Variants in PEX10 observed in about 807,000 individuals in gnomAD.
The protein encoded by PEX10 is peroxisomal biogenesis factor 10.
In PEX10, 32 loss-of-function variants were observed where a neutral mutation model predicts 38.0. The observed-to-expected ratio is 0.84, with a 90% CI of 0.63 to 1.13. The LOEUF (loss-of-function observed/expected upper bound fraction) is 1.13, where lower values mean the gene tolerates loss of function less well. Among genes scored for constraint, PEX10 ranks in the 50% most tolerant of loss-of-function variants. PEX10 has a pLI of 0.00. For synonymous variants in PEX10, 206 were observed against 207.3 expected (o/e 0.99, Z 0.05); for missense variants, 483 against 457.7 (o/e 1.06, Z -0.51).
Position 2,406,409 on chromosome 1 carries a change from CT to C in PEX10, c.912+74del. On this transcript the variant is annotated intron_variant, in intron 5 of 5. Transcript: ENST00000447513. ...AGGGTGCTCAGAGCCAGACTCCCCA[CT>C]TCTGCTGCAGCCAGGTGCATCTTGC... 1.9e-6 allele frequency: 3 copies of C among 1,589,564 alleles called. No individual in the cohort carries two copies. The South Asian group carries it at 3.3e-5, about 18-fold the overall frequency.
intron 3 of PEX10, among the ~76,000 whole-genome samples, chr1:2,408,243 G>A (rs1275257348): frequency 1.3e-5 from 2 of 152,168 alleles, no homozygotes; most frequent in Non-Finnish European, 2.9e-5. Flanking sequence ...TTAGGGTCTG[G>A]ACTTCCTTGG....
Position 2,410,477 on chromosome 1 carries a change from G to A in PEX10, c.113-26C>T, listed in dbSNP as rs41315652. The A allele has an allele frequency of 6.2e-3, 10,028 of 1,606,226 alleles. 52 individuals carry two copies. The highest frequency in any genetic ancestry group is 0.01 in the South Asian group (948 of 90,580). ...CTGAGAGGAGAAACAGTATTAGTCC[G>A]GGGGAGCTGGTGGGCATCCTCTGAG... On this transcript the variant is annotated intron_variant, in intron 1 of 5. Transcript: ENST00000447513. This position sits in a 1 kb window ranked among gnomAD's most constrained non-coding sequence, Gnocchi z 5.1.
At chr1:2,407,212 AGGAGGCGG>A (rs1389831875) in intron 3 of PEX10, among the ~76,000 whole-genome samples, 4 of 152,216 alleles carry the variant, frequency 2.6e-5, no homozygotes, top group Non-Finnish European at 4.4e-5. Flanking sequence ...CTCTCAGAAA[AGGAGGCGG>A]GGAGCGGAAA....
upstream of PEX10, among the ~76,000 whole-genome samples, chr1:2,412,788 C>T (rs559261648): frequency 7.2e-5 from 11 of 152,066 alleles, no homozygotes; most frequent in African/African-American, 2.4e-4. Context: ...GCGGGGCACG[C>T]GCGAGGGGCG....
In PEX10 at chr1:2,408,719, G is replaced by A. The variant is rs781710848; in HGVS notation, c.333C>T (p.Leu111=). ...CAGCCTGCAGCTCCTGCTCCAGGGGGAGCAGGGCCTTGTCCAGCAGGTAGG... is the reference window on the plus strand; with the variant it reads ...CAGCCTGCAGCTCCTGCTCCAGGGGAAGCAGGGCCTTGTCCAGCAGGTAGG... The part of the protein sequence containing the change: ...VLPYLLDKAL[L]PLEQELQADP... Residue 111 remains leucine (L), a synonymous_variant, in exon 3 of 6, where the codon CTC becomes CTT. Transcript: ENST00000447513. 3.7e-6 allele frequency: 6 copies of A among 1,613,792 alleles called. No individual in the cohort carries two copies. The highest frequency in any genetic ancestry group is 1.7e-5 in the Admixed American group (1 of 60,010).
At chr1:2,411,006 A>G (rs559507146) in intron 1 of PEX10, 1 of 398,312 alleles carries the variant, frequency 2.5e-6, no homozygotes, top group East Asian at 7.2e-5. Context: ...TCTCCTGTTC[A>G]GAATCCACCA....
rs748829349 is a variant in PEX10 at position 2,406,611 on chromosome 1, A to G, written c.785T>C (p.Leu262Ser). 6.2e-7 allele frequency: 1 copy of G among 1,613,302 alleles called. No individual in the cohort carries two copies. Among genetic ancestry groups the G allele is most frequent in the Non-Finnish European group, 8.5e-7 (1 of 1,179,842 alleles). ...HRGLSHRRAS[L>S]EERAVSRNPL... is the part of the protein sequence containing the mutation. The stretch of plus-strand genomic sequence containing the variant: ...GTTTCTGGAAACGGCTCTCTCCTCC[A>G]AGGAGGCCCTGGGGAAGGTGGGGCA... The change falls in exon 5 of 6, where the codon TTG (leucine) becomes TCG (serine). Residue 262 changes from leucine (L) to serine (S), a missense_variant. Coordinates refer to ENST00000447513, the MANE Select transcript of PEX10 (RefSeq NM_002617.4).
Position 2,410,377 on chromosome 1 carries a change from G to A in PEX10, c.187C>T (p.Leu63Phe), listed in dbSNP as rs772275107. 3.1e-6 allele frequency: 5 copies of A among 1,613,938 alleles called. No homozygotes were observed. The South Asian group carries it at 4.4e-5, about 14-fold the overall frequency. ...GTCCCGTGGGAGCTTCTACCTGCAAGTGTGGTGAGGCCAAAGTAGGCCACA... is the reference window on the plus strand; with the variant it reads ...GTCCCGTGGGAGCTTCTACCTGCAAATGTGGTGAGGCCAAAGTAGGCCACA... ...SDVAYFGLTT[L>F]AGYQTLGEEY... Residue 63 changes from leucine (L) to phenylalanine (F), a missense_variant, in exon 2 of 6, where the codon CTT (leucine) becomes TTT (phenylalanine). By Grantham distance (22) the Leu-to-Phe change is conservative. Transcript: ENST00000447513. This position sits in a 1 kb window ranked among gnomAD's most constrained non-coding sequence, Gnocchi z 5.1.
At chr1:2,413,765 C>T (rs1020651148), upstream of PEX10, 1 of 152,374 alleles carries the variant, frequency 6.6e-6, no homozygotes, top group African/African-American at 2.4e-5. Context: ...CTTGCCTCAC[C>T]TCTGGTTCCA....
upstream of PEX10, among the ~76,000 whole-genome samples, chr1:2,412,940 G>A (rs1643319597): frequency 6.6e-6 from 1 of 152,242 alleles, no homozygotes. Flanking sequence ...TGGAGACGCT[G>A]CAGGCCCATT....
intron 2 of PEX10, 30 bp from the exon 3 acceptor site, chr1:2,408,888 C>T (rs768742151): frequency 1.0e-4 from 163 of 1,610,830 alleles, no homozygotes; most frequent in Non-Finnish European, 1.3e-4. Context: ...TATGTGGACC[C>T]TGAGACTGCT....
At chr1:2,408,323 G>A in intron 3 of PEX10, 129 bp downstream of exon 3, 1 of 1,036,502 alleles carries the variant, frequency 9.6e-7, no homozygotes, top group Admixed American at 1.8e-5. Context: ...TTCCTGCCTT[G>A]ACACAGATGC....
Position 2,408,630 on chromosome 1 carries a change from G to A in PEX10, c.422C>T (p.Ala141Val), listed in dbSNP as rs778322648. Reference sequence around the variant, plus strand: ...CGTGTGGTGACGCATCCAGCGCCGCGCCCCTGAGCAGCCACGCCCACCTGG... The same window carrying A: ...CGTGTGGTGACGCATCCAGCGCCGCACCCCTGAGCAGCCACGCCCACCTGG... The part of the protein sequence containing the change: ...LGPGGRGCSG[A>V]RRWMRHHTAT... The change falls in exon 3 of 6, where the codon GCG becomes GTG. Residue 141 changes from alanine (A) to valine (V), a missense_variant. By Grantham distance (64) the Ala-to-Val change is moderately conservative. Coordinates refer to ENST00000447513, the MANE Select transcript of PEX10 (RefSeq NM_002617.4). 8.7e-6 allele frequency: 14 copies of A among 1,610,384 alleles called. No individual in the cohort carries two copies. Among genetic ancestry groups the A allele is most frequent in the Admixed American group, 5.0e-5 (3 of 59,864 alleles).
At chr1:2,412,706 C>G (rs1643298818), upstream of PEX10, 1 of 359,654 alleles carries the variant, frequency 2.8e-6, no homozygotes, top group Non-Finnish European at 4.9e-6. Flanking sequence ...CAGCGCGGGG[C>G]GGGGCAGCGG....
chr1:2,410,364 C>T lies in PEX10; in HGVS notation c.193+7G>A, dbSNP rs1410289687. 1.2e-6 allele frequency: 2 copies of T among 1,613,312 alleles called. No individual in the cohort carries two copies. ...CCTCAGTCCTGAGGTCCCGTGGGAG[C>T]TTCTACCTGCAAGTGTGGTGAGGCC... On this transcript the variant is annotated splice_region_variant and intron_variant, in intron 2 of 5. Transcript: ENST00000447513. The surrounding 1 kb of genome is among the most constrained non-coding windows in gnomAD (Gnocchi z 5.1).
upstream of PEX10, among the ~76,000 whole-genome samples, chr1:2,412,874 G>C (rs891956528): frequency 6.6e-6 from 1 of 152,166 alleles, no homozygotes; most frequent in African/African-American, 2.4e-5. Context: ...AGGGGCCCCT[G>C]CTCTGCTCCC....
At chr1:2,412,369 T>C in intron 1 of PEX10, 22 bp downstream of exon 1, 1 of 1,356,982 alleles carries the variant, frequency 7.4e-7, no homozygotes, top group Non-Finnish European at 9.4e-7. Context: ...CGCGAGGACG[T>C]CCGGCCGCGC....
intron 2 of PEX10, 29 bp from the exon 3 acceptor site, chr1:2,408,887 C>A (rs1324490228): frequency 3.1e-5 from 50 of 1,611,538 alleles, no homozygotes; most frequent in African/African-American, 4.0e-5. Flanking sequence ...GTATGTGGAC[C>A]CTGAGACTGC....
At chr1:2,412,744 C>A (rs980596095), upstream of PEX10, among the ~76,000 whole-genome samples, 2 of 150,964 alleles carry the variant, frequency 1.3e-5, no homozygotes, top group Non-Finnish European at 3.0e-5. Flanking sequence ...CAGGGCGGAG[C>A]GGAGCGGGGC....
Sources: gnomAD v4.1 joint callset for allele counts (sites outside exome capture counted in the v4.1 genomes callset) on GRCh38, gnomAD v4.1.1 for gene constraint, Gnocchi (gnomAD v3.1) non-coding constraint, MANE v1.5 for transcripts, NCBI Gene and HGNC (gene_info 2026-07-23, HGNC 2026-07-21) for gene names.